ADIPOR2: variants seen among roughly 807,000 people sequenced by gnomAD.
ADIPOR2 encodes the protein adiponectin receptor protein 2.
Under a neutral mutation model 40.9 loss-of-function variants are expected in ADIPOR2, and 18 were observed. That is an observed-to-expected ratio of 0.44 (90% confidence interval 0.30 to 0.65). ADIPOR2 has a LOEUF of 0.65. Among genes scored for constraint, ADIPOR2 ranks in the 30% least tolerant of loss-of-function variants. The pLI is 0.09. For synonymous variants in ADIPOR2, 165 were observed against 166.4 expected (o/e 0.99, Z 0.06); for missense variants, 283 against 479.2 (o/e 0.59, Z 3.82).
At chr12:1,713,774 T>TC (rs34154217) in intron 1 of ADIPOR2, among the ~76,000 whole-genome samples, 1 of 152,076 alleles carries the variant, frequency 6.6e-6, no homozygotes, top group South Asian at 2.1e-4. Flanking sequence ...TTACAGACTG[T>TC]CCCAGGATTC....
intron 2 of ADIPOR2, among the ~76,000 whole-genome samples, chr12:1,755,432 G>A (rs1393997666): frequency 3.9e-5 from 6 of 152,190 alleles, no homozygotes; most frequent in East Asian, 1.9e-4. Flanking sequence ...GGGAGAAGAC[G>A]TGGTCTATGG....
Position 1,691,104 on chromosome 12 carries a change from C to A in ADIPOR2, c.-174C>A. On this transcript the variant is annotated 5_prime_UTR_variant, in exon 1 of 8. Transcript: ENST00000357103. The stretch of plus-strand genomic sequence containing the variant: ...ATCGCGGCGGCGGCAGCGGCGGCGG[C>A]TACACCGGGCTTGGCCCCCTCCCTC... 2 of 164,294 alleles carry A rather than the reference C, an allele frequency of 1.2e-5. No homozygotes were observed. The highest frequency in any genetic ancestry group is 1.3e-5 in the Non-Finnish European group (1 of 76,148). The allele number at this position is 164,294 out of a possible 1,614,324, so 10.2% of individuals were successfully genotyped here.
chr12:1,743,310 TAA>T lies in ADIPOR2; in HGVS notation c.-86-10930_-86-10929del, dbSNP rs137936686. Among the ~76,000 whole-genome samples the T allele has an allele frequency of 2.9e-3, 253 of 88,542 alleles. 1 individual carries two copies. The highest frequency in any genetic ancestry group is 4.7e-3 in the Admixed American group (38 of 8,160). 58.1% of individuals were successfully genotyped at this position (88,542 alleles called of 152,430 possible). A position where few individuals can be genotyped will look rare whatever the true frequency, so the allele number is the denominator to read the frequency against. On this transcript the variant is annotated intron_variant, in intron 1 of 7. Transcript: ENST00000357103. ...CTGGGTAACAGAGCGAGACGCTGTCTAAAAAAAAAAAAAAAAAAAGAAATTCT... is the reference window on the plus strand; with the variant it reads ...CTGGGTAACAGAGCGAGACGCTGTCTAAAAAAAAAAAAAAAAAGAAATTCT...
chr12:1,724,008 G>T (rs1367579813), intron 1 of ADIPOR2, among the ~76,000 whole-genome samples: 2 of 151,300 alleles, frequency 1.3e-5, no homozygotes, highest in Non-Finnish European at 2.9e-5. Flanking sequence ...GGGAGACAGA[G>T]TCTTGCACTG....
chr12:1,747,821 A>T (rs2094759092), intron 1 of ADIPOR2, among the ~76,000 whole-genome samples: 1 of 152,002 alleles, frequency 6.6e-6, no homozygotes, highest in South Asian at 2.1e-4. Context: ...TAAAATAATG[A>T]GTCGTTTGGT....
chr12:1,783,029 G>T (rs1473948169), intron 6 of ADIPOR2, among the ~76,000 whole-genome samples: 10 of 130,704 alleles, frequency 7.7e-5, no homozygotes, highest in Non-Finnish European at 1.5e-4. Flanking sequence ...TTGTAGCCCA[G>T]GCTGGAGTGC....
At chr12:1,772,528 A>G (rs1384739051) in intron 2 of ADIPOR2, among the ~76,000 whole-genome samples, 4 of 152,128 alleles carry the variant, frequency 2.6e-5, no homozygotes, top group African/African-American at 9.7e-5. Context: ...TAATTTCTCA[A>G]CTTTATGTAA....
intron 1 of ADIPOR2, among the ~76,000 whole-genome samples, chr12:1,714,763 C>T (rs1217513678): frequency 6.6e-6 from 1 of 152,118 alleles, no homozygotes; most frequent in Non-Finnish European, 1.5e-5. Context: ...CAGGTATCTC[C>T]AAACTCTTGG....
intron 1 of ADIPOR2, among the ~76,000 whole-genome samples, chr12:1,702,621 C>A (rs2094652738): frequency 6.6e-6 from 1 of 152,078 alleles, no homozygotes; most frequent in African/African-American, 2.4e-5. Flanking sequence ...CTTCCACAGC[C>A]ATTTGGGTGG....
rs75023523 is a variant in ADIPOR2, at chr12:1,778,176, A to T, written c.463+151A>T. ...TAATGATGAATTTTCTGACTGGTTT[A>T]CTCGTAGTTTATCCTGGTTTGCACT... On this transcript the variant is annotated intron_variant, in intron 4 of 7. Coordinates refer to ENST00000357103, the MANE Select transcript of ADIPOR2 (RefSeq NM_024551.3). 8.4e-4 allele frequency: 751 copies of T among 895,668 alleles called. 7 individuals are homozygous for T. In the East Asian group the frequency reaches 0.02, roughly 24 times the overall value. The allele number at this position is 895,668 out of a possible 1,614,324, so 55.5% of individuals were successfully genotyped here.
At chr12:1,715,679 C>T (rs1162455713) in intron 1 of ADIPOR2, among the ~76,000 whole-genome samples, 1 of 152,072 alleles carries the variant, frequency 6.6e-6, no homozygotes, top group African/African-American at 2.4e-5. Context: ...GTTGGGGTGT[C>T]CTGTTTAGAG....
intron 2 of ADIPOR2, among the ~76,000 whole-genome samples, chr12:1,756,449 C>CTT (rs1487478750): frequency 7.8e-6 from 1 of 127,462 alleles, no homozygotes; most frequent in Non-Finnish European, 1.7e-5. Context: ...TGTGCCTGGC[C>CTT]TTCTTTTTTT....
intron 1 of ADIPOR2, among the ~76,000 whole-genome samples, chr12:1,743,362 A>AAGTAG (rs2094747874): frequency 6.7e-6 from 1 of 149,526 alleles, no homozygotes; most frequent in African/African-American, 2.5e-5. Flanking sequence ...ACATCAAGTA[A>AAGTAG]CTTTGGAGGC....
chr12:1,763,153 AT>A (rs1392901868), intron 2 of ADIPOR2, among the ~76,000 whole-genome samples: 1 of 152,194 alleles, frequency 6.6e-6, no homozygotes, highest in Non-Finnish European at 1.5e-5. Flanking sequence ...AGCAGGATGG[AT>A]TTTTAGAAAG....
At chr12:1,724,651 G>C (rs1483589301) in intron 1 of ADIPOR2, among the ~76,000 whole-genome samples, 1 of 152,112 alleles carries the variant, frequency 6.6e-6, no homozygotes, top group Non-Finnish European at 1.5e-5. Context: ...TTTATGTTAT[G>C]TGTATTTTAC....
At chr12:1,694,788 C>T (rs1479927959) in intron 1 of ADIPOR2, among the ~76,000 whole-genome samples, 3 of 152,114 alleles carry the variant, frequency 2.0e-5, no homozygotes, top group Non-Finnish European at 4.4e-5. Context: ...GATTTGTCTG[C>T]ATATTCAGAA....
intron 1 of ADIPOR2, among the ~76,000 whole-genome samples, chr12:1,739,932 C>T (rs1388201975): frequency 6.6e-6 from 1 of 152,056 alleles, no homozygotes; most frequent in Non-Finnish European, 1.5e-5. Flanking sequence ...GAAACCCCGT[C>T]TCTACTAAAA....
At chr12:1,723,273 G>A (rs945513643) in intron 1 of ADIPOR2, among the ~76,000 whole-genome samples, 2 of 151,948 alleles carry the variant, frequency 1.3e-5, no homozygotes, top group African/African-American at 4.8e-5. Flanking sequence ...TGTCTCCTTC[G>A]CATGTTCCAT....
At chr12:1,748,350 G>A (rs898217769) in intron 1 of ADIPOR2, among the ~76,000 whole-genome samples, 28 of 152,048 alleles carry the variant, frequency 1.8e-4, no homozygotes, top group South Asian at 4.2e-4. Context: ...CCGGGTTCAC[G>A]CCATTCTCCT....
Sources: gnomAD v4.1 joint callset for allele counts (sites outside exome capture counted in the v4.1 genomes callset) on GRCh38, gnomAD v4.1.1 for gene constraint, MANE v1.5 for transcripts, NCBI Gene and HGNC (gene_info 2026-07-23, HGNC 2026-07-21) for gene names.